The following HMCN1 variants were observed in gnomAD, a reference collection of about 807,000 sequenced individuals.
HMCN1 encodes hemicentin 1, also known as hemicentin-1.
In HMCN1, 321 loss-of-function variants were observed where a neutral mutation model predicts 625.9. The ratio of observed to expected loss-of-function variants is 0.51; its 90% confidence interval spans 0.47 to 0.56. HMCN1 has a LOEUF of 0.56. Among genes scored for constraint, HMCN1 ranks in the 20% least tolerant of loss-of-function variants. HMCN1 has a pLI of 0.00. For missense variants in HMCN1, 6,588 were observed against 6,887.3 expected (o/e 0.96, Z 1.54); for synonymous variants, 2,425 against 2,417.6 (o/e 1.00, Z -0.09).
At chr1:185,851,445 A>G (rs1227622945) in intron 2 of HMCN1, among the ~76,000 whole-genome samples, 2 of 152,122 alleles carry the variant, frequency 1.3e-5, no homozygotes, top group African/African-American at 4.8e-5. Flanking sequence ...CCAGGAAAAA[A>G]TTAGCAAAAA....
intron 11 of HMCN1, among the ~76,000 whole-genome samples, chr1:185,947,171 A>G (rs1232867073): frequency 6.6e-6 from 1 of 152,188 alleles, no homozygotes; most frequent in Non-Finnish European, 1.5e-5. Flanking sequence ...TAAGGCAATT[A>G]GCAATCTTCC....
At chr1:185,987,023 T>C (rs1207826497) in intron 19 of HMCN1, among the ~76,000 whole-genome samples, 1 of 152,026 alleles carries the variant, frequency 6.6e-6, no homozygotes, top group Non-Finnish European at 1.5e-5. Context: ...CCCATTTCTC[T>C]GTATGTAGGC....
At chr1:186,056,859 T>C (rs1213261840) in intron 45 of HMCN1, among the ~76,000 whole-genome samples, 1 of 151,700 alleles carries the variant, frequency 6.6e-6, no homozygotes, top group Non-Finnish European at 1.5e-5. Context: ...AATATACCCA[T>C]GTAACAAACC....
chr1:185,785,091 A>C (rs1292458423), intron 1 of HMCN1, among the ~76,000 whole-genome samples: 1 of 152,232 alleles, frequency 6.6e-6, no homozygotes, highest in Non-Finnish European at 1.5e-5. Context: ...GTTAATGAAC[A>C]TTTTGACTGC....
At chr1:185,740,862 C>T (rs1008334349) in intron 1 of HMCN1, among the ~76,000 whole-genome samples, 1 of 151,994 alleles carries the variant, frequency 6.6e-6, no homozygotes, top group Non-Finnish European at 1.5e-5. Context: ...GGCATGGTGG[C>T]ACGTGCCTAT....
At chr1:186,111,041 C>A (rs1276529044) in intron 71 of HMCN1, among the ~76,000 whole-genome samples, 3 of 131,736 alleles carry the variant, frequency 2.3e-5, no homozygotes, top group African/African-American at 9.4e-5. Flanking sequence ...CATGCAGTGG[C>A]GCGATCTCGG....
chr1:185,976,749 G>A (rs1372853788), intron 15 of HMCN1, among the ~76,000 whole-genome samples: 2 of 152,126 alleles, frequency 1.3e-5, no homozygotes, highest in Non-Finnish European at 1.5e-5. Context: ...ATTAAATGAG[G>A]TAATAATGGA....
At chr1:185,800,087 A>G (rs1658689450) in intron 1 of HMCN1, among the ~76,000 whole-genome samples, 1 of 152,200 alleles carries the variant, frequency 6.6e-6, no homozygotes, top group Non-Finnish European at 1.5e-5. Flanking sequence ...AAGAGCCCAC[A>G]TGGAGAAAGA....
intron 11 of HMCN1, among the ~76,000 whole-genome samples, chr1:185,934,370 G>A (rs1260289587): frequency 6.6e-6 from 1 of 151,976 alleles, no homozygotes; most frequent in Non-Finnish European, 1.5e-5. Flanking sequence ...ATACACACGC[G>A]AGTGCCTGTT....
intron 6 of HMCN1, 125 bp downstream of exon 6, chr1:185,911,905 C>T (rs1666445665): frequency 1.3e-6 from 1 of 745,866 alleles, no homozygotes; most frequent in Non-Finnish European, 2.4e-6. Flanking sequence ...TAATAAAAAG[C>T]AACGTACATA....
rs564062519 is a variant in HMCN1, at chr1:185,950,479, G to A, written c.1829-12039G>A. Among the ~76,000 whole-genome samples, 745 of 151,764 alleles carry A rather than the reference G, an allele frequency of 4.9e-3. 4 individuals carry two copies. The highest frequency in any genetic ancestry group is 6.1e-3 in the Non-Finnish European group (412 of 67,992). ...TGGCTCTTGTGTAAGAATTCTGACCGCGCTAACCATGCCTAGGAGGGAAAG... is the reference window on the plus strand; with the variant it reads ...TGGCTCTTGTGTAAGAATTCTGACCACGCTAACCATGCCTAGGAGGGAAAG... On this transcript the variant is annotated intron_variant, in intron 11 of 106. Transcript: ENST00000271588.
chr1:185,845,209 A>G (rs931957610), intron 1 of HMCN1, among the ~76,000 whole-genome samples: 1 of 152,012 alleles, frequency 6.6e-6, no homozygotes, highest in African/African-American at 2.4e-5. Flanking sequence ...TACATCTCCA[A>G]ATTCTTTTTC....
At chr1:185,924,877 CAAAT>C (rs1410808374) in intron 8 of HMCN1, among the ~76,000 whole-genome samples, 166 bp from the exon 9 acceptor site, 2 of 151,484 alleles carry the variant, frequency 1.3e-5, no homozygotes, top group African/African-American at 4.9e-5. Context: ...CAATTTTGAA[CAAAT>C]AAAGATAGAA....
rs997187548 is a variant in HMCN1 at position 186,114,060 on chromosome 1, G to T, written c.11213G>T (p.Gly3738Val). The T allele has an allele frequency of 3.1e-6, 5 of 1,614,096 alleles. No individual in the cohort carries two copies. Among genetic ancestry groups the T allele is most frequent in the Non-Finnish European group, 1.7e-6 (2 of 1,179,968 alleles). ...KSTVLECIAE[G>V]VPTPRITWRK... ...ACTGTATTGGAATGCATCGCTGAAG[G>T]TGTGCCAACTCCAAGGATAACATGG... Residue 3738 changes from glycine to valine, a missense_variant, in exon 73 of 107, where the codon GGT becomes GTT. Physicochemically the swap from Gly to Val is moderately radical, Grantham distance 109 (BLOSUM62 -3). This residue lies in a region of HMCN1 where 4,628 missense variants were observed against 4,853.1 expected (regional missense o/e 0.95). Coordinates refer to ENST00000271588, the MANE Select transcript of HMCN1 (RefSeq NM_031935.3).
At chr1:186,087,825 T>C (rs557219706) in intron 60 of HMCN1, 107 bp from the exon 61 acceptor site, 5 of 1,166,728 alleles carry the variant, frequency 4.3e-6, no homozygotes, top group South Asian at 1.2e-5. Flanking sequence ...CAATTAGAAC[T>C]GGGGCATTGA....
At chr1:186,001,812 G>GA in intron 28 of HMCN1, 71 bp downstream of exon 28, 1 of 1,243,992 alleles carries the variant, frequency 8.0e-7, no homozygotes. Context: ...CTGACTATAT[G>GA]AAAAAGTAAA....
intron 1 of HMCN1, among the ~76,000 whole-genome samples, chr1:185,821,148 A>C (rs1378335140): frequency 2.6e-5 from 4 of 152,048 alleles, no homozygotes; most frequent in Non-Finnish European, 4.4e-5. Context: ...GAGATAAGTC[A>C]ATAAGAGCAC....
At chr1:185,760,848 A>T (rs968466675) in intron 1 of HMCN1, among the ~76,000 whole-genome samples, 1 of 152,142 alleles carries the variant, frequency 6.6e-6, no homozygotes, top group Non-Finnish European at 1.5e-5. Context: ...AAGTATTACT[A>T]TTATCATTTA....
At position 185,810,755 on chromosome 1, in the gene HMCN1, G is replaced by A. The variant is rs549997931; in HGVS notation, c.269-35271G>A. ...CCATAATGATTAAAATTTATTAAGT[G>A]CCTGGAAAATAAAAGTTGTATAAAA... On this transcript the variant is annotated intron_variant, in intron 1 of 106. Transcript: ENST00000271588. Among the ~76,000 whole-genome samples the A allele has an allele frequency of 5.9e-5, 9 of 151,974 alleles. No homozygotes were observed. In the South Asian group the frequency reaches 1.9e-3, roughly 32 times the overall value.
Sources: allele counts gnomAD v4.1 joint callset (sites outside exome capture counted in the v4.1 genomes callset), GRCh38; gene constraint gnomAD v4.1.1; regional missense constraint gnomAD v4.1.1; transcripts MANE v1.5; gene names NCBI Gene and HGNC (gene_info 2026-07-23, HGNC 2026-07-21).